The following VOPP1 variants were observed in gnomAD, a reference collection of about 807,000 sequenced individuals.
The protein encoded by VOPP1 is VOPP1 WW domain binding protein.
A neutral mutation model predicts 23.5 loss-of-function variants in VOPP1; 8 were observed. That is an observed-to-expected ratio of 0.34 (90% CI 0.20 to 0.61). VOPP1 has a LOEUF of 0.61. Ranked by LOEUF, VOPP1 falls within the 20% of genes least tolerant of loss-of-function variation. VOPP1 has a pLI of 0.78. For synonymous variants in VOPP1, 83 were observed against 97.3 expected, an observed-to-expected ratio of 0.85 and a Z score of 0.86; for missense variants, 174 against 238.1, an observed-to-expected ratio of 0.73 and a Z score of 1.77.
chr7:55,555,677 T>C (rs1423524217), intron 1 of VOPP1, among the ~76,000 whole-genome samples: 1 of 152,226 alleles, frequency 6.6e-6, no homozygotes, highest in Non-Finnish European at 1.5e-5. Context: ...CGCTAGTGCA[T>C]ACCTCATTAT....
chr7:55,506,399 G>A (rs979251956), intron 2 of VOPP1, among the ~76,000 whole-genome samples: 9 of 152,184 alleles, frequency 5.9e-5, no homozygotes, highest in African/African-American at 1.9e-4. Flanking sequence ...GCAGTGGCAC[G>A]ATCTCGGCTC....
chr7:55,524,732 G>A (rs192637398), intron 1 of VOPP1, among the ~76,000 whole-genome samples: 1 of 152,316 alleles, frequency 6.6e-6, no homozygotes, highest in East Asian at 1.9e-4. Context: ...CAATTGAGGA[G>A]GACGCAGCCT....
chr7:55,558,091 A>G (rs962305189), intron 1 of VOPP1, among the ~76,000 whole-genome samples: 6 of 152,196 alleles, frequency 3.9e-5, no homozygotes, highest in African/African-American at 1.4e-4. Context: ...GTCAAAAAGT[A>G]CAAAGTTTCA....
intron 4 of VOPP1, among the ~76,000 whole-genome samples, chr7:55,458,933 G>A (rs1459072627): frequency 6.6e-6 from 1 of 152,134 alleles, no homozygotes; most frequent in East Asian, 1.9e-4. Flanking sequence ...AGTGGTGAAT[G>A]TGGGCATCCT....
At chr7:55,542,168 A>G (rs1797161868) in intron 1 of VOPP1, among the ~76,000 whole-genome samples, 1 of 152,230 alleles carries the variant, frequency 6.6e-6, no homozygotes, top group Non-Finnish European at 1.5e-5. Context: ...TATGGGCTAC[A>G]CATGACATTT....
At chr7:55,463,848 G>T (rs1791567990) in intron 4 of VOPP1, among the ~76,000 whole-genome samples, 1 of 152,238 alleles carries the variant, frequency 6.6e-6, no homozygotes, top group African/African-American at 2.4e-5. Context: ...ATAGATGCAG[G>T]CTACAGCAGG....
At chr7:55,514,154 T>C (rs985927376) in intron 2 of VOPP1, among the ~76,000 whole-genome samples, 2 of 152,160 alleles carry the variant, frequency 1.3e-5, no homozygotes, top group African/African-American at 4.8e-5. Flanking sequence ...AGAGATGAGG[T>C]GGTTGCTTTG....
chr7:55,486,513 T>C (rs979427105), intron 4 of VOPP1, among the ~76,000 whole-genome samples: 2 of 152,114 alleles, frequency 1.3e-5, no homozygotes, highest in Non-Finnish European at 2.9e-5. Context: ...AGAGACAGAA[T>C]GTCAGATGCA....
intron 2 of VOPP1, among the ~76,000 whole-genome samples, chr7:55,497,989 C>CA (rs202190740): frequency 0.011 from 1,674 of 152,360 alleles, 11 homozygotes; most frequent in Middle Eastern, 0.02. Context: ...CAACCAAAGA[C>CA]AGACATTAAG....
chr7:55,518,831 C>CA (rs952677103), intron 2 of VOPP1, among the ~76,000 whole-genome samples: 11 of 152,034 alleles, frequency 7.2e-5, no homozygotes, highest in Admixed American at 5.9e-4. Flanking sequence ...TGGTTTTAAG[C>CA]AAAAAAGTGA....
At chr7:55,480,000 T>C (rs1385364205) in intron 4 of VOPP1, among the ~76,000 whole-genome samples, 1 of 152,212 alleles carries the variant, frequency 6.6e-6, no homozygotes, top group Non-Finnish European at 1.5e-5. Flanking sequence ...AATAAAACGA[T>C]CTTTTGTTAA....
intron 1 of VOPP1, chr7:55,552,778 C>A (rs1310122305): frequency 1.4e-5 from 21 of 1,520,894 alleles, no homozygotes; most frequent in Non-Finnish European, 1.8e-5. Context: ...GCAAGTGGAG[C>A]CTGTTCTCCT....
At position 55,554,567 on chromosome 7, in the gene VOPP1, T is replaced by C. The variant is rs1020182831; in HGVS notation, c.54+17704A>G. ...CATTCTAGAAACTTTGAGTAAAAAATTGCAGAACTTGGGTTGCCGAGGATG... is the reference window on the plus strand; with the variant it reads ...CATTCTAGAAACTTTGAGTAAAAAACTGCAGAACTTGGGTTGCCGAGGATG... On this transcript the variant is annotated intron_variant, in intron 1 of 4. Transcript: ENST00000285279. Among the ~76,000 whole-genome samples the C allele has an allele frequency of 2.0e-5, 3 of 152,094 alleles. No homozygotes were observed. In the East Asian group the frequency reaches 5.8e-4, roughly 29 times the overall value.
intron 2 of VOPP1, among the ~76,000 whole-genome samples, chr7:55,502,308 C>A (rs1794422894): frequency 6.6e-6 from 1 of 152,258 alleles, no homozygotes; most frequent in African/African-American, 2.4e-5. Context: ...CAAGATACAA[C>A]ATCTATGTGC....
At chr7:55,535,012 G>A (rs969573570) in intron 1 of VOPP1, among the ~76,000 whole-genome samples, 2 of 152,264 alleles carry the variant, frequency 1.3e-5, no homozygotes, top group Non-Finnish European at 2.9e-5. Flanking sequence ...CAGTTGAAGA[G>A]TGGTAGAGCC....
At chr7:55,540,428 A>AATAAATAC in intron 1 of VOPP1, among the ~76,000 whole-genome samples, 1 of 148,750 alleles carries the variant, frequency 6.7e-6, no homozygotes, top group South Asian at 2.1e-4. Flanking sequence ...TAAATAAATA[A>AATAAATAC]ATAAATAAAT....
chr7:55,498,427 T>C (rs1184047285), intron 2 of VOPP1, among the ~76,000 whole-genome samples: 3 of 44,094 alleles, frequency 6.8e-5, no homozygotes, highest in Admixed American at 2.9e-4. Flanking sequence ...GAGAGCTGCC[T>C]GAGCATGGGC....
intron 4 of VOPP1, among the ~76,000 whole-genome samples, chr7:55,455,990 A>C (rs1791355050): frequency 6.6e-6 from 1 of 152,230 alleles, no homozygotes; most frequent in South Asian, 2.1e-4. Flanking sequence ...GCACAGCAAA[A>C]GAAACTATCA....
At chr7:55,546,844 G>A (rs534541259) in intron 1 of VOPP1, among the ~76,000 whole-genome samples, 5 of 152,226 alleles carry the variant, frequency 3.3e-5, no homozygotes, top group Non-Finnish European at 4.4e-5. Flanking sequence ...TGCAGAGCCT[G>A]GGAGGCTAAG....
Sources: allele counts gnomAD v4.1 joint callset (sites outside exome capture counted in the v4.1 genomes callset), GRCh38; gene constraint gnomAD v4.1.1; transcripts MANE v1.5; gene names NCBI Gene and HGNC (gene_info 2026-07-23, HGNC 2026-07-21).